ITFG1: variants seen among roughly 807,000 people sequenced by gnomAD.
ITFG1 encodes the protein integrin alpha FG-GAP repeat containing 1, also known as T-cell immunomodulatory protein.
A neutral mutation model predicts 81.8 loss-of-function variants in ITFG1; 34 were observed. The observed-to-expected ratio is 0.42, with a 90% confidence interval of 0.32 to 0.55. The LOEUF is 0.55. ITFG1 is among the 20% of genes least tolerant of loss of function. ITFG1 has a pLI of 0.17. For synonymous variants in ITFG1, 285 were observed against 270.6 expected, an observed-to-expected ratio of 1.05 and a Z score of -0.52; for missense variants, 672 against 755.4, an observed-to-expected ratio of 0.89 and a Z score of 1.29.
At chr16:47,171,666 C>T (rs761860010) in intron 14 of ITFG1, among the ~76,000 whole-genome samples, 1 of 152,088 alleles carries the variant, frequency 6.6e-6, no homozygotes, top group South Asian at 2.1e-4. Flanking sequence ...ATTGCATTTA[C>T]AGCCATAAAG....
chr16:47,386,043 C>T (rs1968457317), intron 6 of ITFG1, among the ~76,000 whole-genome samples: 1 of 152,038 alleles, frequency 6.6e-6, no homozygotes, highest in South Asian at 2.1e-4. Flanking sequence ...AACAAAAAAA[C>T]ATCTGTTATC....
At position 47,162,552 on chromosome 16, in the gene ITFG1, T is replaced by G; in HGVS notation, c.1566A>C (p.Pro522=). 6.2e-7 allele frequency: 1 copy of G among 1,602,762 alleles called. No homozygotes were observed. Among genetic ancestry groups the G allele is most frequent in the Non-Finnish European group, 8.5e-7 (1 of 1,174,316 alleles). ...LDHLYVGIPR[P]SGEKSIRKQE... Reference sequence around the variant, plus strand: ...AATTTTTACTCACTTTTTCTCCAGATGGACGGGGAATACCAACGTAGAGAT... The same window carrying G: ...AATTTTTACTCACTTTTTCTCCAGAGGGACGGGGAATACCAACGTAGAGAT... The change falls in exon 15 of 18, where the codon CCA becomes CCC. Residue 522 remains proline, a synonymous_variant. Coordinates refer to ENST00000320640, the MANE Select transcript of ITFG1 (RefSeq NM_030790.5).
At chr16:47,225,149 G>A (rs1965742995) in intron 13 of ITFG1, among the ~76,000 whole-genome samples, 1 of 151,706 alleles carries the variant, frequency 6.6e-6, no homozygotes. Context: ...TAACTGAAAT[G>A]AAAAATTAAC....
intron 14 of ITFG1, among the ~76,000 whole-genome samples, chr16:47,164,854 T>A (rs972582346): frequency 2.6e-5 from 4 of 152,252 alleles, no homozygotes. Context: ...AGCCGCTGGC[T>A]TTCCATGGCT....
intron 13 of ITFG1, among the ~76,000 whole-genome samples, chr16:47,235,830 T>C (rs1276850592): frequency 6.6e-6 from 1 of 152,214 alleles, no homozygotes; most frequent in African/African-American, 2.4e-5. Context: ...ATTTCGCAAG[T>C]GGGCATACAT....
intron 6 of ITFG1, among the ~76,000 whole-genome samples, chr16:47,385,291 C>CA (rs1968447392): frequency 6.6e-6 from 1 of 151,932 alleles, no homozygotes; most frequent in African/African-American, 2.4e-5. Context: ...AAAATTAGTT[C>CA]AAAAAAATTA....
chr16:47,162,771 C>T (rs1449529586), intron 14 of ITFG1, 107 bp from the exon 15 acceptor site: 20 of 946,694 alleles, frequency 2.1e-5, no homozygotes, highest in East Asian at 1.1e-4. Flanking sequence ...GAATGTATCA[C>T]GTTTCAAAAT....
chr16:47,321,638 ATGAC>A (rs1967449960), intron 8 of ITFG1, among the ~76,000 whole-genome samples: 1 of 152,192 alleles, frequency 6.6e-6, no homozygotes, highest in Non-Finnish European at 1.5e-5. Flanking sequence ...GCAGAGTACT[ATGAC>A]TGTGCCTGTA....
At chr16:47,272,249 G>C (rs963807528) in intron 10 of ITFG1, among the ~76,000 whole-genome samples, 3 of 152,192 alleles carry the variant, frequency 2.0e-5, no homozygotes, top group African/African-American at 7.2e-5. Context: ...AAGCTATAGA[G>C]ACAGAAAGAA....
intron 14 of ITFG1, among the ~76,000 whole-genome samples, chr16:47,214,757 A>G (rs1965604860): frequency 6.6e-6 from 1 of 152,204 alleles, no homozygotes; most frequent in South Asian, 2.1e-4. Flanking sequence ...AGTAATGGGT[A>G]AGAATGATAA....
At chr16:47,440,360 C>T (rs537547294) in intron 5 of ITFG1, among the ~76,000 whole-genome samples, 22 of 152,348 alleles carry the variant, frequency 1.4e-4, no homozygotes, top group Non-Finnish European at 2.6e-4. Flanking sequence ...CAGAACTCTC[C>T]ACCCCAAATC....
At chr16:47,185,614 G>A (rs1226394198) in intron 14 of ITFG1, among the ~76,000 whole-genome samples, 3 of 152,206 alleles carry the variant, frequency 2.0e-5, no homozygotes, top group African/African-American at 7.2e-5. Context: ...TCAAAGCAGT[G>A]TGTAGAGGGA....
chr16:47,392,748 C>G (rs1230970541), intron 6 of ITFG1, among the ~76,000 whole-genome samples: 3 of 152,220 alleles, frequency 2.0e-5, no homozygotes, highest in African/African-American at 7.2e-5. Flanking sequence ...ACACAATGCT[C>G]TGTTGTAAGG....
intron 8 of ITFG1, among the ~76,000 whole-genome samples, chr16:47,327,206 C>A (rs1007228299): frequency 6.6e-6 from 1 of 152,040 alleles, no homozygotes; most frequent in African/African-American, 2.4e-5. Context: ...ACAAACCTGA[C>A]AAAAACAAGC....
intron 2 of ITFG1, among the ~76,000 whole-genome samples, chr16:47,458,840 C>T (rs919273922): frequency 1.3e-5 from 2 of 151,864 alleles, no homozygotes; most frequent in African/African-American, 4.8e-5. Flanking sequence ...AGAAGGGATA[C>T]GAGGGATACG....
chr16:47,405,338 C>T (rs566844009), intron 6 of ITFG1, among the ~76,000 whole-genome samples: 1 of 152,226 alleles, frequency 6.6e-6, no homozygotes, highest in South Asian at 2.1e-4. Context: ...ATGTACTAGT[C>T]CATTCTTAAC....
At chr16:47,157,808 T>C (rs1386293824) in intron 17 of ITFG1, among the ~76,000 whole-genome samples, 1 of 152,180 alleles carries the variant, frequency 6.6e-6, no homozygotes, top group Non-Finnish European at 1.5e-5. Flanking sequence ...ATGATTATGA[T>C]GGCATGTCAA....
At chr16:47,227,368 C>A (rs1469595549) in intron 13 of ITFG1, among the ~76,000 whole-genome samples, 1 of 152,132 alleles carries the variant, frequency 6.6e-6, no homozygotes. Context: ...AATGTCACAT[C>A]TGATGCTTGT....
intron 14 of ITFG1, among the ~76,000 whole-genome samples, chr16:47,217,641 G>C (rs1304336261): frequency 6.6e-6 from 1 of 152,120 alleles, no homozygotes; most frequent in Non-Finnish European, 1.5e-5. Flanking sequence ...AAGTATAATT[G>C]TGGCCAGGTG....
Sources: allele counts gnomAD v4.1 joint callset (sites outside exome capture counted in the v4.1 genomes callset), GRCh38; gene constraint gnomAD v4.1.1; transcripts MANE v1.5; gene names NCBI Gene and HGNC (gene_info 2026-07-23, HGNC 2026-07-21).